The following GPHN variants were observed in gnomAD, a reference collection of about 807,000 sequenced individuals.
GPHN encodes gephyrin.
Under a neutral mutation model 95.5 loss-of-function variants are expected in GPHN, and 17 were observed. That is an observed-to-expected ratio of 0.18 (90% CI 0.12 to 0.27). The LOEUF is 0.27. Among genes scored for constraint, GPHN ranks in the 10% least tolerant of loss-of-function variants. The probability of loss-of-function intolerance (pLI) is 1.00; values close to 1 mark genes in which losing one functional copy is unlikely to be tolerated. For synonymous variants in GPHN, 320 were observed against 322.5 expected, an observed-to-expected ratio of 0.99 and a Z score of 0.08; for missense variants, 660 against 978.1, an observed-to-expected ratio of 0.67 and a Z score of 4.34.
chr14:67,169,812 G>C (rs72717322), intron 21 of GPHN, among the ~76,000 whole-genome samples: 8,210 of 152,296 alleles, frequency 0.054, 229 homozygotes, highest in Middle Eastern at 0.068. Flanking sequence ...CTCAATGGCT[G>C]GCGCCTGTAA....
intron 1 of GPHN, among the ~76,000 whole-genome samples, chr14:66,589,068 G>A (rs985599464): frequency 2.6e-5 from 4 of 152,012 alleles, no homozygotes; most frequent in Non-Finnish European, 2.9e-5. Context: ...AAGAGAGTGG[G>A]GGCCAATATT....
intron 3 of GPHN, among the ~76,000 whole-genome samples, chr14:66,798,619 A>G (rs2153475416): frequency 6.6e-6 from 1 of 152,046 alleles, no homozygotes; most frequent in Middle Eastern, 3.4e-3. Context: ...AGTAGCCACT[A>G]ATGATCCTTT....
the GPHN span, among the ~76,000 whole-genome samples, chr14:67,707,854 A>C: frequency 4.6e-5 from 7 of 152,180 alleles, no homozygotes; most frequent in Admixed American, 4.6e-4. Flanking sequence ...TTCTTTACCT[A>C]CCACAGATCA....
the GPHN span, among the ~76,000 whole-genome samples, chr14:67,423,892 C>T: frequency 6.6e-6 from 1 of 152,102 alleles, no homozygotes; most frequent in African/African-American, 2.4e-5. Flanking sequence ...TCCTTTTTCC[C>T]ACCCATATGG....
chr14:66,846,851 TGA>T (rs2062360154), intron 4 of GPHN, among the ~76,000 whole-genome samples: 1 of 152,082 alleles, frequency 6.6e-6, no homozygotes, highest in African/African-American at 2.4e-5. Flanking sequence ...GCAAGCACAG[TGA>T]GAGATTTTTG....
At chr14:66,919,606 T>C (rs979833839) in intron 6 of GPHN, among the ~76,000 whole-genome samples, 7 of 152,190 alleles carry the variant, frequency 4.6e-5, no homozygotes. Context: ...CATTTGTCTG[T>C]CTCCTATTAA....
chr14:67,568,871 GCA>G, the GPHN span, among the ~76,000 whole-genome samples: 1 of 152,100 alleles, frequency 6.6e-6, no homozygotes, highest in Non-Finnish European at 1.5e-5. Context: ...GAACTGTTGG[GCA>G]CTGATTATAT....
intron 1 of GPHN, among the ~76,000 whole-genome samples, chr14:66,590,719 A>G (rs187934166): frequency 1.3e-5 from 2 of 152,326 alleles, no homozygotes; most frequent in East Asian, 3.9e-4. Flanking sequence ...AAATTCTACC[A>G]GAAGTACAAA....
chr14:67,153,089 A>C (rs1362102747), intron 18 of GPHN, among the ~76,000 whole-genome samples: 4 of 152,196 alleles, frequency 2.6e-5, no homozygotes, highest in Non-Finnish European at 5.9e-5. Flanking sequence ...TCCTTAAGCC[A>C]GGAGTTCTAA....
chr14:67,733,256 T>C, the GPHN span, among the ~76,000 whole-genome samples: 1 of 152,320 alleles, frequency 6.6e-6, no homozygotes, highest in Non-Finnish European at 1.5e-5. Context: ...GTTCATGGTA[T>C]GCAAGTGCAT....
chr14:66,946,397 G>A (rs1185604097), intron 8 of GPHN, among the ~76,000 whole-genome samples: 1 of 152,080 alleles, frequency 6.6e-6, no homozygotes, highest in Non-Finnish European at 1.5e-5. Context: ...TTGTTGATAT[G>A]TTAACACATT....
At chr14:67,388,326 T>G in the GPHN span, 1 of 1,496,770 alleles carries the variant, frequency 6.7e-7, no homozygotes. Context: ...GAGACCCAAT[T>G]AGGAATTTGT....
At chr14:67,167,253 C>G (rs2082335103) in intron 20 of GPHN, among the ~76,000 whole-genome samples, 3 of 152,144 alleles carry the variant, frequency 2.0e-5, no homozygotes, top group Admixed American at 1.3e-4. Flanking sequence ...TCGTACATAG[C>G]AAGACCCTGC....
chr14:67,388,508 T>A, the GPHN span, among the ~76,000 whole-genome samples: 2 of 152,172 alleles, frequency 1.3e-5, no homozygotes, highest in Non-Finnish European at 2.9e-5. Context: ...GCAGCAGTAG[T>A]GCCCATCAAT....
chr14:67,106,185 G>A (rs2078031329), intron 13 of GPHN, among the ~76,000 whole-genome samples: 1 of 152,060 alleles, frequency 6.6e-6, no homozygotes, highest in Admixed American at 6.5e-5. Flanking sequence ...TTCATAGTTA[G>A]AAATTTTTTT....
rs1462992295 is a variant in GPHN at position 66,990,679 on chromosome 14, A to G, written c.963+25354A>G. 3.3e-5 allele frequency among the ~76,000 whole-genome samples: 5 copies of G among 152,166 alleles called. 1 individual carries two copies. Among genetic ancestry groups the G allele is most frequent in the Admixed American group, 2.6e-4 (4 of 15,268 alleles). Reference sequence around the variant, plus strand: ...GTACATAACCTACAGTTACTTTTACATAACAGCAGAGTTGAATAGATGAAA... The same window carrying G: ...GTACATAACCTACAGTTACTTTTACGTAACAGCAGAGTTGAATAGATGAAA... On this transcript the variant is annotated intron_variant, in intron 9 of 22. Coordinates refer to ENST00000478722, the MANE Select transcript of GPHN (RefSeq NM_020806.5).
the GPHN span, among the ~76,000 whole-genome samples, chr14:67,406,740 C>T: frequency 1.3e-5 from 2 of 152,072 alleles, no homozygotes; most frequent in African/African-American, 4.8e-5. Context: ...AGTCCATGAA[C>T]CTGGCAGGAA....
intron 17 of GPHN, among the ~76,000 whole-genome samples, chr14:67,122,833 T>G (rs117950192): frequency 0.012 from 1,826 of 152,340 alleles, 16 homozygotes; most frequent in Non-Finnish European, 0.018. Context: ...ATGTAACCTG[T>G]TTCTCCAGGC....
chr14:67,318,332 AAAAT>A, the GPHN span, among the ~76,000 whole-genome samples: 23,449 of 152,100 alleles, frequency 0.15, 3,389 homozygotes, highest in East Asian at 0.42. Flanking sequence ...ATTTTTTTCT[AAAAT>A]AAATATCCTT....
Sources: gnomAD v4.1 joint callset for allele counts (sites outside exome capture counted in the v4.1 genomes callset) on GRCh38, gnomAD v4.1.1 for gene constraint, MANE v1.5 for transcripts, NCBI Gene and HGNC (gene_info 2026-07-23, HGNC 2026-07-21) for gene names.